Variants in GMCL1 observed in about 807,000 individuals in gnomAD.
The protein encoded by GMCL1 is germ cell-less 1, spermatogenesis associated, also known as germ cell-less protein-like 1.
In GMCL1, 54 loss-of-function variants were observed where a neutral mutation model predicts 75.5. The observed-to-expected ratio is 0.71, with a 90% CI of 0.57 to 0.90. The LOEUF is 0.90. GMCL1 is among the 40% of genes least tolerant of loss of function. GMCL1 has a pLI of 0.00. For synonymous variants in GMCL1, 210 were observed against 209.6 expected (o/e 1.00, Z -0.02); for missense variants, 537 against 622.7 (o/e 0.86, Z 1.47).
intron 10 of GMCL1, 64 bp downstream of exon 10, chr2:69,861,411 C>T: frequency 1.0e-6 from 1 of 965,420 alleles, no homozygotes; most frequent in Non-Finnish European, 1.6e-6. Flanking sequence ...TTAATGCATT[C>T]ATTATGTTGA....
chr2:69,866,032 T>C (rs895319978), intron 11 of GMCL1, among the ~76,000 whole-genome samples: 2 of 152,134 alleles, frequency 1.3e-5, no homozygotes, highest in Admixed American at 1.3e-4. Context: ...AGGCAGATCA[T>C]GAGGTCAGGA....
intron 13 of GMCL1, 126 bp from the exon 14 acceptor site, chr2:69,878,783 T>G: frequency 1.4e-6 from 1 of 729,740 alleles, no homozygotes; most frequent in Non-Finnish European, 2.5e-6. Context: ...TGGGTGGGAG[T>G]TTGGAGAGTG....
At chr2:69,875,146 A>G (rs1312518048) in intron 13 of GMCL1, among the ~76,000 whole-genome samples, 4 of 152,092 alleles carry the variant, frequency 2.6e-5, no homozygotes, top group Admixed American at 2.0e-4. Flanking sequence ...CCTCCATCTT[A>G]CTAGGATTAT....
At position 69,829,695 on chromosome 2, in the gene GMCL1, G is replaced by A. The variant is rs574760474; in HGVS notation, c.-198G>A. Reference sequence around the variant, plus strand: ...GAAAGCGAGGGGGCGAGGTGCTGCGGTGCTAGAGCGCGGCGCGACCGGACG... The same window carrying A: ...GAAAGCGAGGGGGCGAGGTGCTGCGATGCTAGAGCGCGGCGCGACCGGACG... On this transcript the variant is annotated 5_prime_UTR_variant, in exon 1 of 14. The change creates a new upstream start codon in the 5' untranslated region. Coordinates refer to ENST00000282570, the MANE Select transcript of GMCL1 (RefSeq NM_178439.5). 1.8e-5 allele frequency: 11 copies of A among 608,514 alleles called. No homozygotes were observed. The highest frequency in any genetic ancestry group is 4.4e-4 in the Middle Eastern group (1 of 2,296). 37.7% of individuals were successfully genotyped at this position (608,514 alleles called of 1,614,324 possible). A position where few individuals can be genotyped will look rare whatever the true frequency, so the allele number is the denominator to read the frequency against.
In GMCL1 at chr2:69,830,132, G is replaced by T; in HGVS notation, c.240G>T (p.Arg80=). Residue 80 remains arginine (R), a synonymous_variant, in exon 1 of 14, where the codon CGG becomes CGT. Coordinates refer to ENST00000282570, the MANE Select transcript of GMCL1 (RefSeq NM_178439.5). ...EDEEEGDEQQ[R]LLNTPRRKKL... ...AGGAGGAGGGGGACGAGCAGCAGCG[G>T]CTCCTCAACACCCCTCGAAGGTACG... is the stretch of plus-strand genomic sequence containing the variant. 6.4e-7 allele frequency: 1 copy of T among 1,571,442 alleles called. No individual in the cohort carries two copies. Among genetic ancestry groups the T allele is most frequent in the Non-Finnish European group, 8.6e-7 (1 of 1,157,878 alleles).
chr2:69,835,818 G>A (rs944544904), intron 1 of GMCL1, among the ~76,000 whole-genome samples: 65 of 152,276 alleles, frequency 4.3e-4, no homozygotes, highest in Admixed American at 1.0e-3. Flanking sequence ...GGTGCTCTAA[G>A]TTCAGATGGT....
At chr2:69,833,234 C>G in intron 1 of GMCL1, among the ~76,000 whole-genome samples, 1 of 152,110 alleles carries the variant, frequency 6.6e-6, no homozygotes, top group East Asian at 1.9e-4. Flanking sequence ...AAACCTTTAT[C>G]GGAAAATGCA....
At chr2:69,874,874 T>C (rs770895343) in intron 13 of GMCL1, among the ~76,000 whole-genome samples, 1 of 151,928 alleles carries the variant, frequency 6.6e-6, no homozygotes, top group African/African-American at 2.4e-5. Flanking sequence ...CACAAGTAGC[T>C]GAGACTACAG....
At chr2:69,849,595 AATC>A in intron 7 of GMCL1, 54 bp from the exon 8 acceptor site, 1 of 1,156,276 alleles carries the variant, frequency 8.6e-7, no homozygotes. Flanking sequence ...GAAAATGTAA[AATC>A]ATAAAATGAT....
chr2:69,850,287 G>A (rs965511963), intron 8 of GMCL1, among the ~76,000 whole-genome samples: 4 of 152,144 alleles, frequency 2.6e-5, no homozygotes, highest in African/African-American at 9.7e-5. Flanking sequence ...AAGATCAACT[G>A]CTATAAGGTC....
intron 13 of GMCL1, among the ~76,000 whole-genome samples, chr2:69,874,052 A>T (rs1676056526): frequency 6.6e-6 from 1 of 151,354 alleles, no homozygotes; most frequent in Non-Finnish European, 1.5e-5. Flanking sequence ...TTTTGGCTAT[A>T]CCGTAACTTA....
At chr2:69,840,788 G>A (rs1293285401) in intron 3 of GMCL1, among the ~76,000 whole-genome samples, 154 bp from the exon 4 acceptor site, 1 of 152,242 alleles carries the variant, frequency 6.6e-6, no homozygotes, top group Non-Finnish European at 1.5e-5. Context: ...ACCATTACTA[G>A]CGTTTTAATT....
rs139011571 is a variant in GMCL1, at chr2:69,861,271, A to G, written c.1073-7A>G. 469 of 1,581,154 alleles carry G rather than the reference A, an allele frequency of 3.0e-4. 2 individuals are homozygous for G. In the East Asian group the frequency reaches 5.6e-3, roughly 19 times the overall value. On this transcript the variant is annotated splice_polypyrimidine_tract_variant and splice_region_variant and intron_variant, in intron 9 of 13. Coordinates refer to ENST00000282570, the MANE Select transcript of GMCL1 (RefSeq NM_178439.5). ...TTTATTATTATTAATTTATTCTTAC[A>G]TTTCAGAATGGCTCTCTTCTGTGTA...
At position 69,854,903 on chromosome 2, in the gene GMCL1, A is replaced by G. The variant is rs759460653; in HGVS notation, c.1015A>G (p.Ile339Val). ...SVFRHLRLQYIISDLASARII... is the reference protein window; with the variant it reads ...SVFRHLRLQYVISDLASARII... ...ATTCAGACATTTAAGGTTACAATAT[A>G]TTATCAGTGATCTGGCTTCTGCAAG... is the stretch of plus-strand genomic sequence containing the variant. The change falls in exon 9 of 14, where the codon ATT (isoleucine) becomes GTT (valine). Residue 339 changes from isoleucine to valine, a missense_variant. Around this residue, in one of 3 missense-constraint regions of GMCL1, gnomAD observed 345 missense variants for 410.5 expected, o/e 0.84. Transcript: ENST00000282570. 4 of 1,610,956 alleles carry G rather than the reference A, an allele frequency of 2.5e-6. No homozygotes were observed. Among genetic ancestry groups the G allele is most frequent in the South Asian group, 2.2e-5 (2 of 90,650 alleles).
At chr2:69,868,007 C>T (rs1054470130) in intron 11 of GMCL1, among the ~76,000 whole-genome samples, 8 of 152,208 alleles carry the variant, frequency 5.3e-5, no homozygotes, top group Admixed American at 2.0e-4. Flanking sequence ...TGTAGCTATG[C>T]GCTATGCATT....
At chr2:69,869,649 T>G in intron 11 of GMCL1, 70 bp from the exon 12 acceptor site, 1 of 1,474,440 alleles carries the variant, frequency 6.8e-7, no homozygotes, top group Admixed American at 1.8e-5. Context: ...CAAAAAGACA[T>G]TTTGAATTTT....
At chr2:69,861,385 A>T (rs774390833) in intron 10 of GMCL1, 38 bp downstream of exon 10, 2 of 1,368,090 alleles carry the variant, frequency 1.5e-6, no homozygotes, top group Non-Finnish European at 2.0e-6. Context: ...CATTAAAAAA[A>T]TTTGCTATGA....
intron 11 of GMCL1, among the ~76,000 whole-genome samples, chr2:69,868,959 CA>C (rs1047941759): frequency 1.1e-3 from 155 of 138,330 alleles, no homozygotes; most frequent in Non-Finnish European, 1.9e-3. Flanking sequence ...ACTCAAAATA[CA>C]AAAAAAAAAG....
intron 10 of GMCL1, 32 bp from the exon 11 acceptor site, chr2:69,864,868 T>C: frequency 7.2e-7 from 1 of 1,384,176 alleles, no homozygotes; most frequent in South Asian, 1.2e-5. Context: ...GCATATTTTC[T>C]ATGAACGTTC....
Sources: gnomAD v4.1 joint callset for allele counts (sites outside exome capture counted in the v4.1 genomes callset) on GRCh38, gnomAD v4.1.1 for gene constraint, gnomAD v4.1.1 regional missense constraint, MANE v1.5 for transcripts, NCBI Gene and HGNC (gene_info 2026-07-23, HGNC 2026-07-21) for gene names.